The following PTK2 variants were observed in gnomAD, a reference collection of about 807,000 sequenced individuals.
The protein encoded by PTK2 is protein tyrosine kinase 2.
Under a neutral mutation model 150.1 loss-of-function variants are expected in PTK2, and 45 were observed. The ratio of observed to expected loss-of-function variants is 0.30; its 90% confidence interval spans 0.24 to 0.38. The LOEUF is 0.38. Among genes scored for constraint, PTK2 ranks in the 10% least tolerant of loss-of-function variants. The pLI, the probability that PTK2 is intolerant of heterozygous loss-of-function variation, is 1.00. For synonymous variants in PTK2, 432 were observed against 449.2 expected (o/e 0.96, Z 0.48); for missense variants, 919 against 1,307.3 (o/e 0.70, Z 4.58).
chr8:140,987,781 T>G (rs1216993686), intron 1 of PTK2, among the ~76,000 whole-genome samples: 2 of 152,178 alleles, frequency 1.3e-5, no homozygotes, highest in African/African-American at 4.8e-5. Flanking sequence ...CGTGGCTCAC[T>G]CCTATGACCC....
At chr8:140,773,213 C>G (rs541711886) in intron 14 of PTK2, among the ~76,000 whole-genome samples, 2 of 152,162 alleles carry the variant, frequency 1.3e-5, no homozygotes, top group South Asian at 4.1e-4. Context: ...AAAACAAAAA[C>G]AAAAAGGATT....
chr8:140,805,373 A>G (rs544130108), intron 10 of PTK2, among the ~76,000 whole-genome samples: 2 of 152,178 alleles, frequency 1.3e-5, no homozygotes. Flanking sequence ...ACCCTGGCCA[A>G]CATGGTGAAA....
At chr8:140,694,102 G>A (rs1314858482) in intron 26 of PTK2, among the ~76,000 whole-genome samples, 2 of 149,478 alleles carry the variant, frequency 1.3e-5, no homozygotes, top group Admixed American at 6.7e-5. Flanking sequence ...GTGCAGTGGC[G>A]CGATCTCGGC....
At chr8:140,748,000 A>G (rs1302690131) in intron 17 of PTK2, among the ~76,000 whole-genome samples, 1 of 152,118 alleles carries the variant, frequency 6.6e-6, no homozygotes, top group Non-Finnish European at 1.5e-5. Context: ...AATGGGATTA[A>G]AAATACCTGG....
At chr8:140,803,994 T>A (rs533939844) in intron 10 of PTK2, among the ~76,000 whole-genome samples, 62 of 152,236 alleles carry the variant, frequency 4.1e-4, no homozygotes, top group Non-Finnish European at 1.5e-4. Context: ...CTGGGAGGAA[T>A]CTTATGGAAT....
Position 140,764,225 on chromosome 8 carries a change from T to C in PTK2, c.1234+9A>G. The C allele has an allele frequency of 6.2e-7, 1 of 1,602,650 alleles. No individual in the cohort carries two copies. Among genetic ancestry groups the C allele is most frequent in the Non-Finnish European group, 8.5e-7 (1 of 1,170,892 alleles). ...GTCTGAGCAAGAACAAAATCAGAAG[T>C]TTACTTACTTGAGGGCATGGTGTAA... On this transcript the variant is annotated intron_variant, in intron 15 of 31. Coordinates refer to ENST00000522684, the Ensembl canonical transcript of PTK2.
intron 2 of PTK2, among the ~76,000 whole-genome samples, chr8:140,908,438 G>GAT (rs1200227952): frequency 2.0e-5 from 3 of 152,186 alleles, no homozygotes; most frequent in Non-Finnish European, 4.4e-5. Context: ...TGATTAATGT[G>GAT]GCTACACTAA....
chr8:140,669,715 C>G lies in PTK2; in HGVS notation c.2710-1291G>C. The G allele has an allele frequency of 2.0e-6, 3 of 1,533,394 alleles. No individual in the cohort carries two copies. Among genetic ancestry groups the G allele is most frequent in the Non-Finnish European group, 2.6e-6 (3 of 1,144,748 alleles). The allele number at this position is 1,533,394 out of a possible 1,614,324, so 95.0% of individuals were successfully genotyped here. ...AGAGCTGGACAGACACACAAAGACA[C>G]GATGTGCTTACCCTCCATGGCTATT... On this transcript the variant is annotated intron_variant, in intron 29 of 31. Transcript: ENST00000522684.
Position 140,983,380 on chromosome 8 carries a change from C to CAAAA in PTK2, c.-122+17741_-122+17744dup, listed in dbSNP as rs34040387. Among the ~76,000 whole-genome samples the CAAAA allele has an allele frequency of 7.2e-4, 56 of 78,258 alleles. 1 individual carries two copies. Among genetic ancestry groups the CAAAA allele is most frequent in the East Asian group, 2.5e-3 (6 of 2,438 alleles). The allele number at this position is 78,258 out of a possible 152,430, so 51.3% of individuals were successfully genotyped here. A position where few individuals can be genotyped will look rare whatever the true frequency, so the allele number is the denominator to read the frequency against. ...TGGGCAACAGAGTAAGACTCCATCT[C>CAAAA]AAAAAAAAAAAAAAAAAAAAAATCT... On this transcript the variant is annotated intron_variant, in intron 1 of 31. Transcript: ENST00000522684.
intron 2 of PTK2, among the ~76,000 whole-genome samples, chr8:140,910,328 T>C (rs1176427461): frequency 6.6e-6 from 1 of 152,182 alleles, no homozygotes; most frequent in East Asian, 1.9e-4. Flanking sequence ...CTTGCCTTTT[T>C]TTTTAATATG....
chr8:140,712,929 T>C (rs1006836800), intron 23 of PTK2, among the ~76,000 whole-genome samples: 1 of 152,210 alleles, frequency 6.6e-6, no homozygotes, highest in African/African-American at 2.4e-5. Flanking sequence ...TATGCAACTC[T>C]GAACAGTATG....
chr8:140,995,620 G>A (rs182890234), intron 1 of PTK2, among the ~76,000 whole-genome samples: 38 of 151,552 alleles, frequency 2.5e-4, no homozygotes, highest in African/African-American at 8.0e-4. Flanking sequence ...TGCGGAACAC[G>A]GCAAAACCCC....
chr8:140,736,073 A>G (rs1187750896), intron 21 of PTK2, among the ~76,000 whole-genome samples: 1 of 152,182 alleles, frequency 6.6e-6, no homozygotes, highest in Non-Finnish European at 1.5e-5. Flanking sequence ...GTTTACTTGC[A>G]CTCTACCCTT....
intron 14 of PTK2, among the ~76,000 whole-genome samples, chr8:140,772,969 G>A (rs373891761): frequency 3.4e-4 from 52 of 152,270 alleles, no homozygotes; most frequent in Middle Eastern, 3.4e-3. Context: ...TTTTCTTATT[G>A]TAAAATGGGG....
chr8:140,845,775 T>C (rs1406167063), intron 7 of PTK2, among the ~76,000 whole-genome samples: 5 of 152,206 alleles, frequency 3.3e-5, no homozygotes, highest in East Asian at 1.9e-4. Context: ...TCCCACGACA[T>C]AAACTCCACG....
At chr8:140,876,742 T>C (rs1366444441) in intron 4 of PTK2, among the ~76,000 whole-genome samples, 1 of 152,338 alleles carries the variant, frequency 6.6e-6, no homozygotes, top group South Asian at 2.1e-4. Flanking sequence ...CTCCGTGGTA[T>C]GTTCTGGAAA....
rs374558731 is a variant in PTK2 at position 140,701,070 on chromosome 8, C to T, written c.2368-48G>A. The T allele has an allele frequency of 1.9e-5, 29 of 1,565,586 alleles. No homozygotes were observed. The African/African-American group carries it at 3.7e-4, about 20-fold the overall frequency. ...CATATTCAGTCTCATAAGTCTATTC[C>T]TATGCTCTTACCTTGTTTTATGTGT... On this transcript the variant is annotated intron_variant, in intron 25 of 31. Transcript: ENST00000522684.
intron 10 of PTK2, among the ~76,000 whole-genome samples, chr8:140,815,541 G>C (rs1256728740): frequency 1.3e-5 from 2 of 151,944 alleles, no homozygotes; most frequent in African/African-American, 4.8e-5. Flanking sequence ...TAACAAATCT[G>C]CCCATGTACC....
intron 22 of PTK2, 101 bp from the exon 26 acceptor site, chr8:140,717,810 T>C (rs1342662322): frequency 1.2e-6 from 1 of 864,936 alleles, no homozygotes; most frequent in African/African-American, 1.7e-5. Context: ...TGGCTAACAG[T>C]AGATGATAAC....
Sources: gnomAD v4.1 joint callset for allele counts (sites outside exome capture counted in the v4.1 genomes callset) on GRCh38, gnomAD v4.1.1 for gene constraint, MANE v1.5 for transcripts, NCBI Gene and HGNC (gene_info 2026-07-23, HGNC 2026-07-21) for gene names.